Variants in PXK observed in about 807,000 individuals in gnomAD.
PXK encodes the protein PX domain containing serine/threonine kinase like.
A neutral mutation model predicts 84.7 loss-of-function variants in PXK; 35 were observed. The observed-to-expected ratio is 0.41, with a 90% CI of 0.32 to 0.55. The LOEUF is 0.55. Ranked by LOEUF, PXK falls within the 20% of genes least tolerant of loss-of-function variation. The pLI is 0.21. For missense variants in PXK, 634 were observed against 699.7 expected (o/e 0.91, Z 1.06); for synonymous variants, 253 against 260.8 (o/e 0.97, Z 0.29).
At chr3:58,372,048 T>C (rs1378808817) in intron 3 of PXK, among the ~76,000 whole-genome samples, 1 of 151,394 alleles carries the variant, frequency 6.6e-6, no homozygotes, top group Non-Finnish European at 1.5e-5. Context: ...ATATGCAGAG[T>C]TGGACACATG....
chr3:58,360,893 A>G (rs1040288796), intron 1 of PXK, among the ~76,000 whole-genome samples: 2 of 151,986 alleles, frequency 1.3e-5, no homozygotes, highest in African/African-American at 4.8e-5. Flanking sequence ...AACATTCTTT[A>G]TGATTTAATT....
At chr3:58,358,485 C>T (rs556210980) in intron 1 of PXK, among the ~76,000 whole-genome samples, 3 of 152,272 alleles carry the variant, frequency 2.0e-5, no homozygotes, top group South Asian at 2.1e-4. Context: ...CAGTGGGCCA[C>T]GGTCCAGGGC....
chr3:58,397,279 T>G lies in PXK; in HGVS notation c.984+79T>G. 1 of 1,486,804 alleles carries G rather than the reference T, an allele frequency of 6.7e-7. No individual in the cohort carries two copies. Among genetic ancestry groups the G allele is most frequent in the Non-Finnish European group, 9.3e-7 (1 of 1,078,084 alleles). 92.1% of individuals were successfully genotyped at this position (1,486,804 alleles called of 1,614,324 possible). ...CCATGATCTGCCCATGTAGGAAATA[T>G]GCACCAAGTAGTGAAAGGTATAGTT... On this transcript the variant is annotated intron_variant, in intron 10 of 17. Coordinates refer to ENST00000356151, the MANE Select transcript of PXK (RefSeq NM_017771.5). This position sits in a 1 kb window ranked among gnomAD's most constrained non-coding sequence, Gnocchi z 4.7.
At position 58,335,685 on chromosome 3, in the gene PXK, A is replaced by G. The variant is rs147722719; in HGVS notation, c.102+2595A>G. ...GCTGTAGACAGAAACATACGGAGTT[A>G]GAGACAGACTTGGGGTTGGAAGAGG... On this transcript the variant is annotated intron_variant, in intron 1 of 17. Transcript: ENST00000356151. 5.7e-3 allele frequency among the ~76,000 whole-genome samples: 861 copies of G among 152,260 alleles called. 6 individuals carry two copies. The highest frequency in any genetic ancestry group is 0.027 in the East Asian group (138 of 5,160).
At position 58,397,200 on chromosome 3, in the gene PXK, T is replaced by C. The variant is rs1210907168; in HGVS notation, c.984T>C (p.Asn328=). The change falls in exon 10 of 18, where the codon AAT becomes AAC. Residue 328 remains asparagine, a splice_region_variant and synonymous_variant. Coordinates refer to ENST00000356151, the MANE Select transcript of PXK (RefSeq NM_017771.5). This position sits in a 1 kb window ranked among gnomAD's most constrained non-coding sequence, Gnocchi z 4.7. ...ATTTTTCACAATTCAGGAAAATCAA[T>C]GTAAGTTGCTAAAGTAATGAAATAG... is the stretch of plus-strand genomic sequence containing the variant. ...RSYFSQFRKI[N]TLESVDVHCF... 2 of 1,613,712 alleles carry C rather than the reference T, an allele frequency of 1.2e-6. No individual in the cohort carries two copies. Among genetic ancestry groups the C allele is most frequent in the East Asian group, 4.5e-5 (2 of 44,898 alleles).
At position 58,397,014 on chromosome 3, in the gene PXK, G is replaced by A. The variant is rs1408577865; in HGVS notation, c.823-25G>A. ...ATATCTGAATGAGTTTGGGGAAAATGTAACTTTCCCATATGTTTTGATAGG... is the reference window on the plus strand; with the variant it reads ...ATATCTGAATGAGTTTGGGGAAAATATAACTTTCCCATATGTTTTGATAGG... On this transcript the variant is annotated intron_variant, in intron 9 of 17. Transcript: ENST00000356151. The surrounding 1 kb of genome is among the most constrained non-coding windows in gnomAD (Gnocchi z 4.7). The A allele has an allele frequency of 1.9e-6, 3 of 1,587,976 alleles. No individual in the cohort carries two copies. Among genetic ancestry groups the A allele is most frequent in the Non-Finnish European group, 2.6e-6 (3 of 1,162,722 alleles).
chr3:58,342,046 C>A (rs1435718970), intron 1 of PXK, among the ~76,000 whole-genome samples: 1 of 150,858 alleles, frequency 6.6e-6, no homozygotes, highest in Non-Finnish European at 1.5e-5. Context: ...AGTCATCACC[C>A]TGTTTTATAA....
rs2107565650 is a variant in PXK, at chr3:58,409,668, T to G, written c.1395+50T>G. 6.9e-7 allele frequency: 1 copy of G among 1,456,232 alleles called. No individual in the cohort carries two copies. The highest frequency in any genetic ancestry group is 2.0e-5 in the Admixed American group (1 of 48,852). 90.2% of individuals were successfully genotyped at this position (1,456,232 alleles called of 1,614,324 possible). A position where few individuals can be genotyped will look rare whatever the true frequency, so the allele number is the denominator to read the frequency against. ...CCCTCTATGAGTTCTTGAGTACATG[T>G]GAAGAAAGTTCTAGGTTAATGGTGC... On this transcript the variant is annotated intron_variant, in intron 15 of 17. Transcript: ENST00000356151. The surrounding 1 kb of genome is among the most constrained non-coding windows in gnomAD (Gnocchi z 4.2).
At chr3:58,371,763 T>C (rs1479863736) in intron 3 of PXK, among the ~76,000 whole-genome samples, 2 of 152,220 alleles carry the variant, frequency 1.3e-5, no homozygotes. Context: ...GTGCATCTTA[T>C]TTCAAATGCA....
At chr3:58,422,830 G>C (rs2062126880) in intron 17 of PXK, 1 of 985,290 alleles carries the variant, frequency 1.0e-6, no homozygotes, top group African/African-American at 1.7e-5. Context: ...TGAGCCTTTA[G>C]TAGAACTCCC....
chr3:58,346,047 C>T (rs967930152), intron 1 of PXK, among the ~76,000 whole-genome samples: 2 of 152,156 alleles, frequency 1.3e-5, no homozygotes, highest in Admixed American at 6.6e-5. Context: ...CCTGGCATGG[C>T]CTAGGCACTT....
intron 1 of PXK, among the ~76,000 whole-genome samples, chr3:58,353,427 A>G (rs937142468): frequency 1.3e-5 from 2 of 152,148 alleles, no homozygotes; most frequent in South Asian, 4.1e-4. Context: ...AACCCTTAAC[A>G]TTTTCATTTG....
At position 58,399,027 on chromosome 3, in the gene PXK, A is replaced by G. The variant is rs947761853; in HGVS notation, c.1103-272A>G. On this transcript the variant is annotated intron_variant, in intron 11 of 17. Transcript: ENST00000356151. The surrounding 1 kb of genome is among the most constrained non-coding windows in gnomAD (Gnocchi z 4.3). Reference sequence around the variant, plus strand: ...AAGAGAACAAACACTTTTATGAATGATATCTTGAATCCTTCCTCCAGTTAT... The same window carrying G: ...AAGAGAACAAACACTTTTATGAATGGTATCTTGAATCCTTCCTCCAGTTAT... Among the ~76,000 whole-genome samples the G allele has an allele frequency of 5.9e-5, 9 of 152,190 alleles. No homozygotes were observed. Among genetic ancestry groups the G allele is most frequent in the African/African-American group, 1.9e-4 (8 of 41,438 alleles).
chr3:58,377,533 G>T (rs184662135), intron 3 of PXK, among the ~76,000 whole-genome samples: 1 of 151,492 alleles, frequency 6.6e-6, no homozygotes, highest in East Asian at 1.9e-4. Flanking sequence ...CCAGCTACTC[G>T]AGAGGCAGGC....
At chr3:58,344,052 C>T (rs2097777900) in intron 1 of PXK, among the ~76,000 whole-genome samples, 1 of 152,156 alleles carries the variant, frequency 6.6e-6, no homozygotes, top group Non-Finnish European at 1.5e-5. Flanking sequence ...TTGGGAAGAG[C>T]GACAATGGCT....
chr3:58,337,212 A>G (rs568490580), intron 1 of PXK, among the ~76,000 whole-genome samples: 1 of 152,350 alleles, frequency 6.6e-6, no homozygotes, highest in South Asian at 2.1e-4. Flanking sequence ...AATTATAGTG[A>G]TAGTTAAGGC....
intron 4 of PXK, among the ~76,000 whole-genome samples, chr3:58,387,493 G>A (rs922419696): frequency 6.6e-6 from 1 of 152,188 alleles, no homozygotes; most frequent in Non-Finnish European, 1.5e-5. Flanking sequence ...GGCTGTGGCA[G>A]AGTAAATGTT....
At chr3:58,349,030 G>A (rs537244253) in intron 1 of PXK, among the ~76,000 whole-genome samples, 1 of 152,200 alleles carries the variant, frequency 6.6e-6, no homozygotes, top group Non-Finnish European at 1.5e-5. Flanking sequence ...CAGATGCTCA[G>A]TAGCCACATA....
chr3:58,351,473 C>A (rs1434285087), intron 1 of PXK, among the ~76,000 whole-genome samples: 2 of 150,972 alleles, frequency 1.3e-5, no homozygotes, highest in Non-Finnish European at 2.9e-5. Flanking sequence ...GTTGCCCAGG[C>A]TGGTCTTGAA....
Sources: gnomAD v4.1 joint callset for allele counts (sites outside exome capture counted in the v4.1 genomes callset) on GRCh38, gnomAD v4.1.1 for gene constraint, Gnocchi (gnomAD v3.1) non-coding constraint, MANE v1.5 for transcripts, NCBI Gene and HGNC (gene_info 2026-07-23, HGNC 2026-07-21) for gene names.